JAKMIP2: variants seen among roughly 807,000 people sequenced by gnomAD.
JAKMIP2 encodes the protein janus kinase and microtubule-interacting protein 2.
Under a neutral mutation model 115.0 loss-of-function variants are expected in JAKMIP2, and 25 were observed. That is an observed-to-expected ratio of 0.22 (90% CI 0.16 to 0.30). The LOEUF is 0.30. JAKMIP2 is among the 10% of genes least tolerant of loss of function. The pLI, the probability that JAKMIP2 is intolerant of heterozygous loss-of-function variation, is 1.00. For missense variants in JAKMIP2, 642 were observed against 957.6 expected (o/e 0.67, Z 4.35); for synonymous variants, 334 against 343.6 (o/e 0.97, Z 0.31).
intron 1 of JAKMIP2, among the ~76,000 whole-genome samples, chr5:147,777,993 C>T (rs1027087829): frequency 1.3e-5 from 2 of 152,052 alleles, no homozygotes; most frequent in Non-Finnish European, 2.9e-5. Flanking sequence ...ATCATTTTTA[C>T]TTTTAAGAAT....
chr5:147,770,242 TA>T (rs1755300893), intron 1 of JAKMIP2, among the ~76,000 whole-genome samples: 1 of 152,164 alleles, frequency 6.6e-6, no homozygotes, highest in Admixed American at 6.5e-5. Context: ...AGGTCACAAT[TA>T]ACTTATCATA....
intron 1 of JAKMIP2, among the ~76,000 whole-genome samples, chr5:147,707,872 A>C (rs1752639616): frequency 6.6e-6 from 1 of 152,198 alleles, no homozygotes; most frequent in South Asian, 2.1e-4. Flanking sequence ...AAATGCTTCC[A>C]CAGGACAGAA....
rs919602356 is a variant in JAKMIP2, at chr5:147,590,710, A to T, written c.*997T>A. 2.6e-5 allele frequency: 4 copies of T among 152,178 alleles called. No homozygotes were observed. The highest frequency in any genetic ancestry group is 4.4e-5 in the Non-Finnish European group (3 of 68,036). 9.4% of individuals were successfully genotyped at this position (152,178 alleles called of 1,614,324 possible). On this transcript the variant is annotated 3_prime_UTR_variant, in exon 22 of 22. Coordinates refer to ENST00000616793, the MANE Select transcript of JAKMIP2 (RefSeq NM_001270941.2). ...GGCAATTTTAAGCAGCCATTTGAAAAACAGTATTTTGGAAATGAAAGATTC... is the reference window on the plus strand; with the variant it reads ...GGCAATTTTAAGCAGCCATTTGAAATACAGTATTTTGGAAATGAAAGATTC...
At chr5:147,732,855 T>A (rs1022983032) in intron 1 of JAKMIP2, among the ~76,000 whole-genome samples, 3 of 152,244 alleles carry the variant, frequency 2.0e-5, no homozygotes, top group Admixed American at 2.0e-4. Flanking sequence ...GTGATGTTTA[T>A]CTTTTATGGT....
At chr5:147,646,910 AT>A (rs1446670680) in intron 5 of JAKMIP2, among the ~76,000 whole-genome samples, 2 of 151,774 alleles carry the variant, frequency 1.3e-5, no homozygotes, top group African/African-American at 4.8e-5. Flanking sequence ...ATAAAGTTAA[AT>A]TTAAAGAACT....
chr5:147,760,787 A>T (rs1754906078), intron 1 of JAKMIP2, among the ~76,000 whole-genome samples: 1 of 152,142 alleles, frequency 6.6e-6, no homozygotes, highest in Non-Finnish European at 1.5e-5. Context: ...GCCTATTTAT[A>T]TGCTGATGTG....
intron 15 of JAKMIP2, 143 bp downstream of exon 15, chr5:147,629,550 A>C (rs949699525): frequency 1.6e-5 from 9 of 571,882 alleles, no homozygotes; most frequent in Non-Finnish European, 2.7e-5. Context: ...TTGTTTGATA[A>C]ATTGTATATT....
At chr5:147,595,150 A>G (rs928002849) in intron 21 of JAKMIP2, among the ~76,000 whole-genome samples, 1 of 152,092 alleles carries the variant, frequency 6.6e-6, no homozygotes, top group Non-Finnish European at 1.5e-5. Flanking sequence ...GTATAATATT[A>G]CTCAATCCTC....
intron 1 of JAKMIP2, among the ~76,000 whole-genome samples, chr5:147,767,200 A>G (rs1174277037): frequency 6.6e-6 from 1 of 152,164 alleles, no homozygotes; most frequent in Non-Finnish European, 1.5e-5. Flanking sequence ...GTGCACGCAC[A>G]CACACATATA....
At chr5:147,636,131 C>A (rs1757605546) in intron 12 of JAKMIP2, 91 bp downstream of exon 12, 2 of 1,028,648 alleles carry the variant, frequency 1.9e-6, no homozygotes, top group Admixed American at 1.9e-5. Flanking sequence ...CTTCCCCTGG[C>A]CCCTGTGCCA....
At chr5:147,698,717 T>C (rs531769648) in intron 1 of JAKMIP2, among the ~76,000 whole-genome samples, 3 of 152,328 alleles carry the variant, frequency 2.0e-5, no homozygotes, top group East Asian at 3.9e-4. Flanking sequence ...CCTTCTGCCA[T>C]GATTGTACGT....
At chr5:147,724,010 A>G (rs1330679245) in intron 1 of JAKMIP2, among the ~76,000 whole-genome samples, 2 of 152,210 alleles carry the variant, frequency 1.3e-5, no homozygotes, top group Admixed American at 6.5e-5. Context: ...AGAAGATGCT[A>G]TTTATTATAA....
intron 9 of JAKMIP2, among the ~76,000 whole-genome samples, chr5:147,640,434 G>C (rs1400211660): frequency 6.6e-6 from 1 of 152,134 alleles, no homozygotes; most frequent in Non-Finnish European, 1.5e-5. Context: ...ACCTTCCCTA[G>C]ATAAAGAATA....
chr5:147,636,350 A>T, intron 11 of JAKMIP2, 66 bp from the exon 12 acceptor site: 1 of 1,374,894 alleles, frequency 7.3e-7, no homozygotes, highest in Non-Finnish European at 1.0e-6. Flanking sequence ...GTGTTGTCAA[A>T]CCACTTTGCC....
chr5:147,730,131 C>T (rs900156082), intron 1 of JAKMIP2, among the ~76,000 whole-genome samples: 7 of 152,170 alleles, frequency 4.6e-5, no homozygotes, highest in Non-Finnish European at 7.3e-5. Flanking sequence ...CTGGCACACT[C>T]GGTGATTTCC....
intron 1 of JAKMIP2, among the ~76,000 whole-genome samples, chr5:147,725,306 AT>A (rs1211984161): frequency 4.0e-4 from 61 of 152,224 alleles, no homozygotes; most frequent in African/African-American, 1.4e-3. Flanking sequence ...TAAAGAAGTA[AT>A]TTTAAGTATA....
At position 147,771,081 on chromosome 5, in the gene JAKMIP2, T is replaced by A. The variant is rs1053655871; in HGVS notation, c.-149+11375A>T. Reference sequence around the variant, plus strand: ...AGCAAGAATTGTGTCTTGATGAATATGTAACAATAACATTCAAATATATTT... The same window carrying A: ...AGCAAGAATTGTGTCTTGATGAATAAGTAACAATAACATTCAAATATATTT... On this transcript the variant is annotated intron_variant, in intron 1 of 21. Coordinates refer to ENST00000616793, the MANE Select transcript of JAKMIP2 (RefSeq NM_001270941.2). Among the ~76,000 whole-genome samples the A allele has an allele frequency of 2.0e-5, 3 of 152,174 alleles. No homozygotes were observed. The East Asian group carries it at 5.8e-4, about 29-fold the overall frequency.
intron 1 of JAKMIP2, among the ~76,000 whole-genome samples, chr5:147,679,137 TG>T (rs1198811463): frequency 7.2e-5 from 11 of 152,000 alleles, no homozygotes; most frequent in Non-Finnish European, 1.5e-4. Context: ...TGCACCAACA[TG>T]CCCGGCTAAT....
chr5:147,764,738 T>C (rs558426347), intron 1 of JAKMIP2, among the ~76,000 whole-genome samples: 47 of 150,942 alleles, frequency 3.1e-4, no homozygotes, highest in African/African-American at 1.1e-3. Flanking sequence ...CTGCAAAAAT[T>C]AGCTGGGCAT....
Sources: allele counts gnomAD v4.1 joint callset (sites outside exome capture counted in the v4.1 genomes callset), GRCh38; gene constraint gnomAD v4.1.1; transcripts MANE v1.5; gene names NCBI Gene and HGNC (gene_info 2026-07-23, HGNC 2026-07-21).